SLC35F1: variants seen among roughly 807,000 people sequenced by gnomAD.
SLC35F1 encodes chromosome 6 open reading frame 169.
A neutral mutation model predicts 48.7 loss-of-function variants in SLC35F1; 14 were observed. That is an observed-to-expected ratio of 0.29 (90% CI 0.19 to 0.45). The LOEUF (loss-of-function observed/expected upper bound fraction) is 0.45. SLC35F1 is among the 20% of genes least tolerant of loss of function. The pLI, the probability that SLC35F1 is intolerant of heterozygous loss-of-function variation, is 1.00. For missense variants in SLC35F1, 404 were observed against 500.0 expected (o/e 0.81, Z 1.83); for synonymous variants, 190 against 202.2 (o/e 0.94, Z 0.51).
intron 1 of SLC35F1, among the ~76,000 whole-genome samples, chr6:118,036,915 C>T (rs534248478): frequency 1.6e-3 from 249 of 152,174 alleles, no homozygotes; most frequent in Non-Finnish European, 3.0e-3. Context: ...GGTGTTATGA[C>T]CTCTAACTGT....
intron 1 of SLC35F1, among the ~76,000 whole-genome samples, chr6:117,927,639 G>C (rs1776045852): frequency 6.6e-6 from 1 of 152,158 alleles, no homozygotes; most frequent in Non-Finnish European, 1.5e-5. Context: ...TTTTAGGGCA[G>C]GGACTTCTGT....
At chr6:117,926,700 G>C (rs894515678) in intron 1 of SLC35F1, among the ~76,000 whole-genome samples, 59 of 152,286 alleles carry the variant, frequency 3.9e-4, no homozygotes, top group Middle Eastern at 3.4e-3. Context: ...TCAGAGGCTG[G>C]AGGAGTAGGT....
intron 7 of SLC35F1, among the ~76,000 whole-genome samples, chr6:118,297,663 A>T (rs991698335): frequency 2.8e-5 from 3 of 107,006 alleles, no homozygotes; most frequent in African/African-American, 9.4e-5. Flanking sequence ...AATATATATA[A>T]TATTATATAA....
chr6:118,304,573 G>C (rs186535269), intron 7 of SLC35F1, among the ~76,000 whole-genome samples: 416 of 152,194 alleles, frequency 2.7e-3, no homozygotes, highest in Non-Finnish European at 4.8e-3. Context: ...AATTCAAATT[G>C]ATTTGTGGTG....
chr6:118,303,693 T>G (rs1293604376), intron 7 of SLC35F1, among the ~76,000 whole-genome samples: 5 of 152,228 alleles, frequency 3.3e-5, no homozygotes, highest in Non-Finnish European at 7.3e-5. Context: ...TTTGCTAAGA[T>G]GATCATACCT....
At chr6:118,071,277 T>A (rs1772720389) in intron 1 of SLC35F1, among the ~76,000 whole-genome samples, 1 of 151,038 alleles carries the variant, frequency 6.6e-6, no homozygotes, top group African/African-American at 2.4e-5. Context: ...GTTCACATGG[T>A]ACTATACTAT....
At chr6:118,136,331 G>A (rs567379737) in intron 1 of SLC35F1, among the ~76,000 whole-genome samples, 3 of 152,328 alleles carry the variant, frequency 2.0e-5, no homozygotes, top group Admixed American at 6.5e-5. Flanking sequence ...AAGAGATAGA[G>A]ACATAAAGTT....
At chr6:118,250,064 T>G (rs569827753) in intron 3 of SLC35F1, among the ~76,000 whole-genome samples, 1 of 152,326 alleles carries the variant, frequency 6.6e-6, no homozygotes, top group East Asian at 1.9e-4. Context: ...GCTTCATTGG[T>G]TATTCATTCA....
At chr6:118,059,705 A>G (rs1234079439) in intron 1 of SLC35F1, among the ~76,000 whole-genome samples, 1 of 152,174 alleles carries the variant, frequency 6.6e-6, no homozygotes, top group African/African-American at 2.4e-5. Flanking sequence ...GCTGGTTTTA[A>G]AAGCTGGAAG....
intron 1 of SLC35F1, among the ~76,000 whole-genome samples, chr6:118,136,192 A>G (rs1341406037): frequency 1.3e-5 from 2 of 152,128 alleles, no homozygotes; most frequent in Admixed American, 1.3e-4. Context: ...AACCTTCCTC[A>G]TGTAGCAATG....
At chr6:118,186,343 G>T (rs1001750683) in intron 2 of SLC35F1, among the ~76,000 whole-genome samples, 8 of 152,036 alleles carry the variant, frequency 5.3e-5, no homozygotes, top group African/African-American at 1.7e-4. Context: ...GAGAGTAAAA[G>T]AAAGATAATA....
At chr6:117,938,562 G>A (rs1776188929) in intron 1 of SLC35F1, among the ~76,000 whole-genome samples, 1 of 152,210 alleles carries the variant, frequency 6.6e-6, no homozygotes, top group Admixed American at 6.5e-5. Flanking sequence ...CAGCAGGAGG[G>A]GCGGATTCCT....
chr6:118,072,764 G>T (rs1772754038), intron 1 of SLC35F1, among the ~76,000 whole-genome samples: 1 of 152,084 alleles, frequency 6.6e-6, no homozygotes, highest in Non-Finnish European at 1.5e-5. Context: ...TGTGTGGAGG[G>T]TTTTTATTTG....
chr6:117,927,254 G>A (rs573214364), intron 1 of SLC35F1, among the ~76,000 whole-genome samples: 3 of 152,344 alleles, frequency 2.0e-5, no homozygotes, highest in Admixed American at 1.3e-4. Context: ...GAAGGCAGAA[G>A]AAGAGAGTCT....
intron 1 of SLC35F1, among the ~76,000 whole-genome samples, chr6:117,961,532 C>T (rs1444182018): frequency 2.0e-5 from 3 of 152,180 alleles, no homozygotes; most frequent in Admixed American, 1.3e-4. Context: ...ACCTCTCAAT[C>T]CTGTGTCTGT....
intron 7 of SLC35F1, among the ~76,000 whole-genome samples, chr6:118,308,808 G>A (rs905649300): frequency 6.6e-6 from 1 of 152,188 alleles, no homozygotes; most frequent in Non-Finnish European, 1.5e-5. Context: ...CCCTTATGCA[G>A]TTCATGGACC....
intron 1 of SLC35F1, among the ~76,000 whole-genome samples, chr6:117,932,151 A>C (rs1342284799): frequency 6.6e-6 from 1 of 152,198 alleles, no homozygotes; most frequent in Non-Finnish European, 1.5e-5. Context: ...AGGACGCAGC[A>C]AAATGCACCA....
At chr6:117,972,479 C>T (rs533003796) in intron 1 of SLC35F1, among the ~76,000 whole-genome samples, 5 of 152,268 alleles carry the variant, frequency 3.3e-5, no homozygotes, top group African/African-American at 1.2e-4. Context: ...AGTCTGTTCT[C>T]ATGCTGCTAA....
intron 1 of SLC35F1, among the ~76,000 whole-genome samples, chr6:118,125,796 G>A (rs925070612): frequency 6.6e-6 from 1 of 152,144 alleles, no homozygotes; most frequent in African/African-American, 2.4e-5. Context: ...TGGAGAAAAG[G>A]CATATTTAAT....
Sources: gnomAD v4.1 joint callset for allele counts (sites outside exome capture counted in the v4.1 genomes callset) on GRCh38, gnomAD v4.1.1 for gene constraint, MANE v1.5 for transcripts, NCBI Gene and HGNC (gene_info 2026-07-23, HGNC 2026-07-21) for gene names.